The following EXOC3L2 variants were observed in gnomAD, a reference collection of about 807,000 sequenced individuals.
EXOC3L2 encodes the protein exocyst complex component 3-like protein 2.
A neutral mutation model predicts 44.4 loss-of-function variants in EXOC3L2; 17 were observed. The ratio of observed to expected loss-of-function variants is 0.38; its 90% CI spans 0.26 to 0.57. The LOEUF is 0.57. EXOC3L2 is among the 20% of genes least tolerant of loss of function. The probability of loss-of-function intolerance (pLI) is 0.65; values close to 1 mark genes in which losing one functional copy is unlikely to be tolerated. For synonymous variants in EXOC3L2, 256 were observed against 253.7 expected (o/e 1.01, Z -0.09); for missense variants, 541 against 588.4 (o/e 0.92, Z 0.83).
At chr19:45,216,306 T>C in intron 10 of EXOC3L2, 112 bp from the exon 11 acceptor site, 1 of 1,422,524 alleles carries the variant, frequency 7.0e-7, no homozygotes, top group Non-Finnish European at 9.4e-7. Flanking sequence ...CCAGGGGTGG[T>C]GGCTCAAGCC....
At chr19:45,240,172 A>G (rs1015930495) in intron 1 of EXOC3L2, among the ~76,000 whole-genome samples, 4 of 146,518 alleles carry the variant, frequency 2.7e-5, no homozygotes, top group African/African-American at 7.6e-5. Context: ...TGGCCCCATC[A>G]TAGTTCACTG....
rs1970062143 is a variant in EXOC3L2 at position 45,234,457 on chromosome 19, C to T, written c.893G>A (p.Arg298Gln). 1.9e-5 allele frequency: 5 copies of T among 258,336 alleles called. No homozygotes were observed. 16.0% of individuals were successfully genotyped at this position (258,336 alleles called of 1,614,324 possible). A position where few individuals can be genotyped will look rare whatever the true frequency, so the allele number is the denominator to read the frequency against. The change falls in exon 3 of 12, where the codon CGG becomes CAG. Residue 298 changes from arginine (R) to glutamine (Q), a missense_variant. By Grantham distance (43) the Arg-to-Gln change is conservative. Coordinates refer to ENST00000413988, the MANE Select transcript of EXOC3L2 (RefSeq NM_001382422.1). This position sits in a 1 kb window ranked among gnomAD's most constrained non-coding sequence, Gnocchi z 5.0. ...GGGAGCCGCTGCCTCTAGGCGCTCC[C>T]GGGCCGCGCGCGCCACGGCTTCGGC... Reference protein sequence around the residue: ...RWAEAVARAARERLEAAAPGA... With the variant: ...RWAEAVARAAQERLEAAAPGA...
chr19:45,213,419 A>AC, intron 11 of EXOC3L2, 62 bp from the exon 12 acceptor site: 1 of 1,583,866 alleles, frequency 6.3e-7, no homozygotes, highest in Admixed American at 1.9e-5. Context: ...CACCCAACCC[A>AC]GCCGTGGACC....
chr19:45,213,440 C>A, intron 11 of EXOC3L2, 83 bp from the exon 12 acceptor site: 3 of 1,532,848 alleles, frequency 2.0e-6, no homozygotes, highest in Non-Finnish European at 2.6e-6. Flanking sequence ...CCACCTGACC[C>A]CCTCACCTAT....
intron 4 of EXOC3L2, among the ~76,000 whole-genome samples, chr19:45,230,776 T>A (rs1445449550): frequency 6.6e-6 from 1 of 152,162 alleles, no homozygotes; most frequent in African/African-American, 2.4e-5. Context: ...GGTTCTCACA[T>A]CTCTGATTCT....
At chr19:45,235,210 G>T (rs1034124969) in intron 2 of EXOC3L2, among the ~76,000 whole-genome samples, 2 of 152,088 alleles carry the variant, frequency 1.3e-5, no homozygotes, top group Admixed American at 6.6e-5. Context: ...CAGGAGAATC[G>T]CTTGAACCCG....
chr19:45,245,402 A>T lies in EXOC3L2; in HGVS notation c.-78T>A, dbSNP rs1036301570. 6.6e-6 allele frequency: 1 copy of T among 152,456 alleles called. No individual in the cohort carries two copies. The highest frequency in any genetic ancestry group is 1.5e-5 in the Non-Finnish European group (1 of 68,202). 9.4% of individuals were successfully genotyped at this position (152,456 alleles called of 1,614,324 possible). On this transcript the variant is annotated 5_prime_UTR_variant, in exon 1 of 12. Coordinates refer to ENST00000413988, the MANE Select transcript of EXOC3L2 (RefSeq NM_001382422.1). Reference sequence around the variant, plus strand: ...GTCCTGTCCCCAGGCTACTTCAGCCAGGACTGCTGGGAGCTTGGATCTGAG... The same window carrying T: ...GTCCTGTCCCCAGGCTACTTCAGCCTGGACTGCTGGGAGCTTGGATCTGAG...
At chr19:45,218,361 A>T (rs770432407) in intron 8 of EXOC3L2, 42 bp from the exon 9 acceptor site, 4 of 909,422 alleles carry the variant, frequency 4.4e-6, no homozygotes, top group African/African-American at 2.4e-5. Flanking sequence ...CCTCCCTCCC[A>T]CCCTCCCTCT....
chr19:45,232,094 A>G (rs1426722441), intron 3 of EXOC3L2, among the ~76,000 whole-genome samples: 1 of 152,104 alleles, frequency 6.6e-6, no homozygotes, highest in Non-Finnish European at 1.5e-5. Context: ...TCCCGGCATG[A>G]TATTTAGGGG....
chr19:45,214,302 G>A (rs1312767432), intron 11 of EXOC3L2, among the ~76,000 whole-genome samples: 1 of 152,082 alleles, frequency 6.6e-6, no homozygotes, highest in Admixed American at 6.6e-5. Flanking sequence ...TTGTTTTTCT[G>A]GGGTTCTGTT....
At chr19:45,226,463 G>T (rs150954143) in intron 7 of EXOC3L2, among the ~76,000 whole-genome samples, 1 of 152,024 alleles carries the variant, frequency 6.6e-6, no homozygotes, top group Non-Finnish European at 1.5e-5. Flanking sequence ...TTGAGATGGA[G>T]TCTCGCTCTG....
intron 10 of EXOC3L2, 23 bp downstream of exon 10, chr19:45,217,505 C>T (rs1364562794): frequency 1.9e-6 from 3 of 1,562,722 alleles, no homozygotes; most frequent in African/African-American, 2.8e-5. Context: ...CTGAAACACC[C>T]CCAACCGCGT....
intron 8 of EXOC3L2, among the ~76,000 whole-genome samples, chr19:45,219,509 T>C (rs1390382562): frequency 6.6e-6 from 1 of 152,040 alleles, no homozygotes; most frequent in East Asian, 1.9e-4. Flanking sequence ...ACATTCCACT[T>C]CCTAGGTCTG....
intron 10 of EXOC3L2, among the ~76,000 whole-genome samples, chr19:45,217,228 T>TG (rs371172798): frequency 6.6e-4 from 100 of 152,294 alleles, no homozygotes; most frequent in Middle Eastern, 3.4e-3. Flanking sequence ...AGCCAGGCAC[T>TG]GTCCAAAGCA....
intron 11 of EXOC3L2, among the ~76,000 whole-genome samples, chr19:45,214,970 A>G (rs1969818052): frequency 6.6e-6 from 1 of 151,884 alleles, no homozygotes; most frequent in Admixed American, 6.6e-5. Flanking sequence ...AGTGTGGTCA[A>G]CTTGGTGAAA....
intron 7 of EXOC3L2, 52 bp downstream of exon 7, chr19:45,227,610 C>G (rs940050821): frequency 6.6e-7 from 1 of 1,505,584 alleles, no homozygotes; most frequent in African/African-American, 1.4e-5. Context: ...CATCCCAGGT[C>G]AGCTTCCACC....
chr19:45,229,356 T>C (rs1046614401), intron 4 of EXOC3L2, among the ~76,000 whole-genome samples: 1 of 142,402 alleles, frequency 7.0e-6, no homozygotes, highest in Admixed American at 7.3e-5. Context: ...ATATGTTATA[T>C]ATGTAATATA....
At chr19:45,228,771 C>A (rs1969994923) in intron 4 of EXOC3L2, among the ~76,000 whole-genome samples, 1 of 151,264 alleles carries the variant, frequency 6.6e-6, no homozygotes, top group Non-Finnish European at 1.5e-5. Context: ...GACTCCAACT[C>A]AAAAATAAAA....
intron 1 of EXOC3L2, among the ~76,000 whole-genome samples, chr19:45,240,045 C>G (rs1970118223): frequency 6.6e-6 from 1 of 151,926 alleles, no homozygotes; most frequent in African/African-American, 2.4e-5. Context: ...TCATCTCTCC[C>G]TCATTCATCT....
Sources: gnomAD v4.1 joint callset for allele counts (sites outside exome capture counted in the v4.1 genomes callset) on GRCh38, gnomAD v4.1.1 for gene constraint, Gnocchi (gnomAD v3.1) non-coding constraint, MANE v1.5 for transcripts, NCBI Gene and HGNC (gene_info 2026-07-23, HGNC 2026-07-21) for gene names.